The following MFF variants were observed in gnomAD, a reference collection of about 807,000 sequenced individuals.
MFF encodes mitochondrial fission factor, also known as chromosome 2 open reading frame 33.
In MFF, 12 loss-of-function variants were observed where a neutral mutation model predicts 36.9. That is an observed-to-expected ratio of 0.33 (90% confidence interval 0.21 to 0.53). MFF has a LOEUF of 0.53. MFF is among the 20% of genes least tolerant of loss of function. The probability of loss-of-function intolerance (pLI) is 0.95; values close to 1 mark genes in which losing one functional copy is unlikely to be tolerated. For missense variants in MFF, 348 were observed against 366.6 expected, an observed-to-expected ratio of 0.95 and a Z score of 0.42; for synonymous variants, 99 against 126.2, an observed-to-expected ratio of 0.78 and a Z score of 1.44.
At chr2:227,342,751 C>G in intron 5 of MFF, 1 of 1,612,610 alleles carries the variant, frequency 6.2e-7, no homozygotes, top group Non-Finnish European at 8.5e-7. Flanking sequence ...TAAGGTGGCA[C>G]AGATCAGATT....
chr2:227,340,445 G>A (rs1681493791), intron 5 of MFF, 65 bp downstream of exon 5: 3 of 1,226,130 alleles, frequency 2.4e-6, no homozygotes, highest in South Asian at 2.6e-5. Context: ...CTGTACCCAT[G>A]TTTTTCTAAA....
At chr2:227,336,889 A>G (rs188660527) in intron 4 of MFF, among the ~76,000 whole-genome samples, 1 of 152,354 alleles carries the variant, frequency 6.6e-6, no homozygotes, top group Admixed American at 6.5e-5. Flanking sequence ...GCTATATGAC[A>G]TATCCTAAAA....
intron 4 of MFF, among the ~76,000 whole-genome samples, chr2:227,333,563 A>G (rs1368572609): frequency 2.0e-5 from 3 of 152,244 alleles, no homozygotes; most frequent in Non-Finnish European, 4.4e-5. Flanking sequence ...TAGTTCCTGC[A>G]TTCAAAAAGT....
Position 227,340,369 on chromosome 2 carries a change from A to G in MFF, c.429A>G (p.Arg143=). ...TTCGCCAAAATGGACAGCTGGTCAG[A>G]AATGATTCTCTGTGAGTAGAAGCAC... ...NAVRQNGQLV[R]NDSLVTPSPQ... is the part of the protein sequence containing the mutation. The change falls in exon 5 of 9, where the codon AGA becomes AGG. Residue 143 remains arginine, a synonymous_variant. Transcript: ENST00000304593. 11 of 1,613,568 alleles carry G rather than the reference A, an allele frequency of 6.8e-6. No individual in the cohort carries two copies. Among genetic ancestry groups the G allele is most frequent in the Non-Finnish European group, 9.3e-6 (11 of 1,179,512 alleles).
At chr2:227,351,056 C>G (rs1326133508) in intron 6 of MFF, among the ~76,000 whole-genome samples, 1 of 152,160 alleles carries the variant, frequency 6.6e-6, no homozygotes, top group Non-Finnish European at 1.5e-5. Context: ...TTTGAACATA[C>G]TGTGTGCATT....
chr2:227,340,211 A>G, intron 4 of MFF, 81 bp from the exon 5 acceptor site: 1 of 1,153,092 alleles, frequency 8.7e-7, no homozygotes, highest in South Asian at 1.4e-5. Flanking sequence ...GTAGCCTTGT[A>G]TCGAGGTTCT....
intron 3 of MFF, among the ~76,000 whole-genome samples, chr2:227,332,120 C>T (rs1209706324): frequency 2.0e-5 from 3 of 147,532 alleles, no homozygotes; most frequent in African/African-American, 5.0e-5. Context: ...TACAGGCGCC[C>T]GCCACTACGC....
intron 5 of MFF, among the ~76,000 whole-genome samples, chr2:227,343,060 C>G (rs6740870): frequency 7.2e-5 from 11 of 152,218 alleles, no homozygotes; most frequent in African/African-American, 2.6e-4. Context: ...TGAAAGGAAC[C>G]TGAAATATAA....
intron 8 of MFF, among the ~76,000 whole-genome samples, chr2:227,356,255 A>G (rs1467528011): frequency 6.6e-6 from 1 of 152,202 alleles, no homozygotes; most frequent in African/African-American, 2.4e-5. Flanking sequence ...AAGAAGGCAT[A>G]GTTGGTTTTC....
At chr2:227,330,561 C>G (rs2074494203) in intron 2 of MFF, 65 bp from the exon 3 acceptor site, 1 of 1,099,820 alleles carries the variant, frequency 9.1e-7, no homozygotes. Flanking sequence ...TGTCTTCTAA[C>G]TTCACTGCGT....
At chr2:227,332,677 A>G in intron 4 of MFF, 89 bp downstream of exon 4, 1 of 946,314 alleles carries the variant, frequency 1.1e-6, no homozygotes, top group African/African-American at 1.7e-5. Flanking sequence ...TATCTTTAGC[A>G]ATATGTCATG....
Position 227,325,353 on chromosome 2 carries a change from C to T in MFF, c.-227C>T, listed in dbSNP as rs1339438884. The T allele has an allele frequency of 6.4e-6, 1 of 157,216 alleles. No individual in the cohort carries two copies. Among genetic ancestry groups the T allele is most frequent in the East Asian group, 1.9e-4 (1 of 5,188 alleles). The allele number at this position is 157,216 out of a possible 1,614,324, so 9.7% of individuals were successfully genotyped here. A position where few individuals can be genotyped will look rare whatever the true frequency, so the allele number is the denominator to read the frequency against. On this transcript the variant is annotated 5_prime_UTR_variant, in exon 1 of 9. Transcript: ENST00000304593. Reference sequence around the variant, plus strand: ...CCTCCGTGCTCTCAGCCAACCACCTCTGAGAGCGCCCACTCGAGCGCCCCG... The same window carrying T: ...CCTCCGTGCTCTCAGCCAACCACCTTTGAGAGCGCCCACTCGAGCGCCCCG...
rs1170108767 is a variant in MFF, at chr2:227,325,379, G to T, written c.-201G>T. 1 of 155,834 alleles carries T rather than the reference G, an allele frequency of 6.4e-6. No individual in the cohort carries two copies. The highest frequency in any genetic ancestry group is 1.4e-5 in the Non-Finnish European group (1 of 70,042). 9.7% of individuals were successfully genotyped at this position (155,834 alleles called of 1,614,324 possible). On this transcript the variant is annotated 5_prime_UTR_variant, in exon 1 of 9. Coordinates refer to ENST00000304593, the MANE Select transcript of MFF (RefSeq NM_001277062.2). ...TGAGAGCGCCCACTCGAGCGCCCCG[G>T]GAGCCAGAGGGCGGGGGTCCTCGCC...
intron 2 of MFF, chr2:227,330,346 T>G (rs1284058734): frequency 1.6e-5 from 5 of 316,460 alleles, no homozygotes; most frequent in Non-Finnish European, 2.7e-5. Context: ...AGAGTATGTG[T>G]GTATGTGTGT....
chr2:227,355,831 A>G, intron 8 of MFF, 70 bp downstream of exon 8: 1 of 949,206 alleles, frequency 1.1e-6, no homozygotes, highest in Non-Finnish European at 1.7e-6. Flanking sequence ...GATAGTTCTC[A>G]ACATTTTATT....
At chr2:227,330,430 C>A in intron 2 of MFF, 196 bp from the exon 3 acceptor site, 1 of 564,068 alleles carries the variant, frequency 1.8e-6, no homozygotes, top group Non-Finnish European at 3.1e-6. Flanking sequence ...GGTACAATTT[C>A]AGCTGATAAT....
At chr2:227,326,129 C>A (rs2106322307) in intron 1 of MFF, among the ~76,000 whole-genome samples, 1 of 151,898 alleles carries the variant, frequency 6.6e-6, no homozygotes, top group South Asian at 2.1e-4. Flanking sequence ...AAAAGAACAC[C>A]CCTGTCTACC....
intron 5 of MFF, among the ~76,000 whole-genome samples, chr2:227,345,441 A>G (rs1221128961): frequency 1.3e-5 from 2 of 152,248 alleles, no homozygotes; most frequent in Non-Finnish European, 2.9e-5. Context: ...TTAAACCCCC[A>G]AATGCAAAGG....
At chr2:227,343,434 G>C (rs1217652057) in intron 5 of MFF, among the ~76,000 whole-genome samples, 3 of 152,146 alleles carry the variant, frequency 2.0e-5, no homozygotes, top group African/African-American at 7.2e-5. Context: ...AGAAGAAACT[G>C]CACCGAAAGC....
Sources: gnomAD v4.1 joint callset for allele counts (sites outside exome capture counted in the v4.1 genomes callset) on GRCh38, gnomAD v4.1.1 for gene constraint, MANE v1.5 for transcripts, NCBI Gene and HGNC (gene_info 2026-07-23, HGNC 2026-07-21) for gene names.